The following NLRP12 variants were observed in gnomAD, a reference collection of about 807,000 sequenced individuals.
NLRP12 encodes the protein NACHT, LRR and PYD domains-containing protein 12.
NLRP12 carries 108 observed loss-of-function variants against 91.2 expected under a neutral mutation model. That is an observed-to-expected ratio of 1.18 (90% CI 1.01 to 1.39). The LOEUF (loss-of-function observed/expected upper bound fraction) is 1.39. Among genes scored for constraint, NLRP12 ranks in the 40% most tolerant of loss-of-function variants. NLRP12 has a pLI of 0.00. For synonymous variants in NLRP12, 613 were observed against 566.7 expected (o/e 1.08, Z -1.16); for missense variants, 1,530 against 1,352.7 (o/e 1.13, Z -2.06).
At chr19:53,817,197 G>C (rs900595998) in intron 1 of NLRP12, among the ~76,000 whole-genome samples, 25 of 152,032 alleles carry the variant, frequency 1.6e-4, no homozygotes, top group Non-Finnish European at 5.9e-5. Context: ...GGGAGGCCGA[G>C]GCAGGTGGGA....
intron 1 of NLRP12, among the ~76,000 whole-genome samples, chr19:53,823,511 A>AT (rs1555800083): frequency 0.44 from 21,145 of 48,292 alleles, 5,833 homozygotes; most frequent in Non-Finnish European, 0.52. Context: ...TAAAATATAT[A>AT]TTTAAAACAT....
chr19:53,795,969 G>C lies in NLRP12; in HGVS notation c.2988C>G (p.Ile996Met). Residue 996 changes from isoleucine (I) to methionine (M), a missense_variant, in exon 9 of 10, where the codon ATC (isoleucine) becomes ATG (methionine). Coordinates refer to ENST00000324134, the MANE Select transcript of NLRP12 (RefSeq NM_144687.4). ...ACENLYFTLG[I>M]NQTLTDLYLT... ...GGTAAAGGTCGGTCAAGGTCTGGTT[G>C]ATCCCCAGGGTGAAGTAAAGATTCT... 1 of 1,614,154 alleles carries C rather than the reference G, an allele frequency of 6.2e-7. No homozygotes were observed.
chr19:53,803,182 G>T (rs2091901736), intron 6 of NLRP12, among the ~76,000 whole-genome samples: 2 of 150,250 alleles, frequency 1.3e-5, no homozygotes, highest in Admixed American at 6.7e-5. Context: ...TCCATCTCTG[G>T]AACTTTTTTT....
At chr19:53,808,869 G>A (rs2092005568) in intron 3 of NLRP12, among the ~76,000 whole-genome samples, 1 of 152,058 alleles carries the variant, frequency 6.6e-6, no homozygotes, top group South Asian at 2.1e-4. Flanking sequence ...TCCACTAGAT[G>A]TCAGTAGTAT....
chr19:53,805,229 GC>G (rs1278972347), intron 5 of NLRP12, 50 bp downstream of exon 5: 3 of 1,553,856 alleles, frequency 1.9e-6, no homozygotes, highest in Non-Finnish European at 2.7e-6. Flanking sequence ...GATATTTCAT[GC>G]CCCAGGAGAC....
intron 2 of NLRP12, among the ~76,000 whole-genome samples, chr19:53,812,370 C>T (rs1329078235): frequency 6.6e-6 from 1 of 151,084 alleles, no homozygotes; most frequent in Admixed American, 6.6e-5. Flanking sequence ...AAGAGATCGC[C>T]CCACTGCACT....
intron 6 of NLRP12, among the ~76,000 whole-genome samples, chr19:53,803,069 A>C (rs2091900030): frequency 6.6e-6 from 1 of 151,986 alleles, no homozygotes; most frequent in African/African-American, 2.4e-5. Flanking sequence ...TTTTTGATCC[A>C]TGGTTGATGA....
At chr19:53,798,559 A>C in intron 7 of NLRP12, 146 bp from the exon 8 acceptor site, 2 of 783,532 alleles carry the variant, frequency 2.6e-6, no homozygotes, top group South Asian at 1.5e-5. Flanking sequence ...AAAAGACGAC[A>C]GAAGTAGGAA....
At chr19:53,796,340 C>T (rs536224656) in intron 8 of NLRP12, among the ~76,000 whole-genome samples, 1 of 152,082 alleles carries the variant, frequency 6.6e-6, no homozygotes, top group South Asian at 2.1e-4. Context: ...CAACCTCTGC[C>T]TCCCGGGTTC....
chr19:53,797,858 C>T lies in NLRP12; in HGVS notation c.2927+385G>A, dbSNP rs568014892. 2.8e-3 allele frequency among the ~76,000 whole-genome samples: 419 copies of T among 152,064 alleles called. 3 individuals carry two copies. The highest frequency in any genetic ancestry group is 4.0e-3 in the Non-Finnish European group (270 of 67,998). On this transcript the variant is annotated intron_variant, in intron 8 of 9. Coordinates refer to ENST00000324134, the MANE Select transcript of NLRP12 (RefSeq NM_144687.4). ...GGTACAAGCGATTCTCCTGTCTCAG[C>T]CTCCCAAGTAGCTCGGATTACAGGC...
intron 1 of NLRP12, among the ~76,000 whole-genome samples, chr19:53,823,466 TATATTTAAA>T (rs2092296528): frequency 7.6e-6 from 1 of 131,994 alleles, no homozygotes; most frequent in Non-Finnish European, 1.6e-5. Context: ...ATTTTAAATA[TATATTTAAA>T]ATATATATTT....
chr19:53,815,140 A>T lies in NLRP12; in HGVS notation c.290-152T>A. The T allele has an allele frequency of 4.3e-6, 3 of 699,130 alleles. No individual in the cohort carries two copies. In the Admixed American group the frequency reaches 6.1e-5, roughly 14 times the overall value. The allele number at this position is 699,130 out of a possible 1,614,324, so 43.3% of individuals were successfully genotyped here. A position where few individuals can be genotyped will look rare whatever the true frequency, so the allele number is the denominator to read the frequency against. ...GTGACTGCATAGGCCGTGTGTGGGAAATAGCTCATCCCTTGTTCCTTGTAG... is the reference window on the plus strand; with the variant it reads ...GTGACTGCATAGGCCGTGTGTGGGATATAGCTCATCCCTTGTTCCTTGTAG... On this transcript the variant is annotated intron_variant, in intron 1 of 9. Coordinates refer to ENST00000324134, the MANE Select transcript of NLRP12 (RefSeq NM_144687.4).
chr19:53,796,282 C>T, intron 8 of NLRP12: 2 of 435,686 alleles, frequency 4.6e-6, no homozygotes, highest in South Asian at 1.9e-5. Flanking sequence ...GATGGAGTCT[C>T]CCTCTGTTGC....
chr19:53,794,156 T>C lies in NLRP12; in HGVS notation c.3099-20A>G, dbSNP rs758357980. 9 of 1,524,600 alleles carry C rather than the reference T, an allele frequency of 5.9e-6. No individual in the cohort carries two copies. Among genetic ancestry groups the C allele is most frequent in the Admixed American group, 5.0e-5 (3 of 59,888 alleles). The allele number at this position is 1,524,600 out of a possible 1,614,324, so 94.4% of individuals were successfully genotyped here. On this transcript the variant is annotated intron_variant, in intron 9 of 9. Coordinates refer to ENST00000324134, the MANE Select transcript of NLRP12 (RefSeq NM_144687.4). Reference sequence around the variant, plus strand: ...AATAACCTGTGGACACAAGAGTTGATATTATTCCAGTGTACTACTGTGGCA... The same window carrying C: ...AATAACCTGTGGACACAAGAGTTGACATTATTCCAGTGTACTACTGTGGCA...
rs1599879570 is a variant in NLRP12 at position 53,824,128 on chromosome 19, T to TA, written c.46dup (p.Tyr16LeufsTer63). 2 of 1,613,956 alleles carry TA rather than the reference T, an allele frequency of 1.2e-6. No homozygotes were observed. The highest frequency in any genetic ancestry group is 3.3e-4 in the Middle Eastern group (2 of 6,062). On this transcript the variant is annotated frameshift_variant, in exon 1 of 10. Coordinates refer to ENST00000324134, the MANE Select transcript of NLRP12 (RefSeq NM_144687.4). LOFTEE classifies it high-confidence loss of function. ...TTCCACAGCCTCGAGTTCTTCCAAG[T>TA]AGGTGGACAGGCGACAGAGGCCGTC... is the stretch of plus-strand genomic sequence containing the variant.
intron 3 of NLRP12, 167 bp from the exon 4 acceptor site, chr19:53,807,832 C>T (rs879474794): frequency 6.8e-6 from 5 of 735,200 alleles, no homozygotes; most frequent in Non-Finnish European, 9.3e-6. Flanking sequence ...CTCACCACAA[C>T]CTCCGCCTCC....
chr19:53,819,449 ATATATATATGTGTG>A (rs1219831792), intron 1 of NLRP12, among the ~76,000 whole-genome samples: 3 of 14,074 alleles, frequency 2.1e-4, no homozygotes, highest in Non-Finnish European at 3.4e-4. Context: ...ATATATATAT[ATATATATATGTGTG>A]TGTGTGTGTG....
intron 1 of NLRP12, among the ~76,000 whole-genome samples, chr19:53,817,019 C>T (rs550746307): frequency 4.0e-5 from 6 of 151,162 alleles, no homozygotes; most frequent in Admixed American, 1.3e-4. Context: ...GGCCAGGGCG[C>T]GGTGGCTCAC....
intron 3 of NLRP12, 50 bp downstream of exon 3, chr19:53,809,537 A>AAC: frequency 1.4e-6 from 2 of 1,468,584 alleles, no homozygotes; most frequent in Non-Finnish European, 1.8e-6. Context: ...AAAAAAAAAA[A>AAC]AAAACACACG....
Sources: gnomAD v4.1 joint callset for allele counts (sites outside exome capture counted in the v4.1 genomes callset) on GRCh38, gnomAD v4.1.1 for gene constraint, MANE v1.5 for transcripts, NCBI Gene and HGNC (gene_info 2026-07-23, HGNC 2026-07-21) for gene names.